ST14: variants seen among roughly 807,000 people sequenced by gnomAD.
The protein encoded by ST14 is suppressor of tumorigenicity 14 protein.
A neutral mutation model predicts 96.5 loss-of-function variants in ST14; 40 were observed. The ratio of observed to expected loss-of-function variants is 0.41; its 90% CI spans 0.32 to 0.54. The LOEUF (loss-of-function observed/expected upper bound fraction) is 0.54, where lower values mean the gene tolerates loss of function less well. Among genes scored for constraint, ST14 ranks in the 20% least tolerant of loss-of-function variants. The probability of loss-of-function intolerance (pLI) is 0.17; values close to 1 mark genes in which losing one functional copy is unlikely to be tolerated. For missense variants in ST14, 1,066 were observed against 1,188.9 expected (o/e 0.90, Z 1.52); for synonymous variants, 506 against 492.1 (o/e 1.03, Z -0.37).
chr11:130,189,378 C>T, intron 4 of ST14: 1 of 454,360 alleles, frequency 2.2e-6, no homozygotes. Context: ...CTGGGGAATG[C>T]TGTGTGGCAG....
chr11:130,167,718 A>AT (rs969992252), intron 1 of ST14, among the ~76,000 whole-genome samples: 355 of 145,642 alleles, frequency 2.4e-3, no homozygotes, highest in Middle Eastern at 3.5e-3. Context: ...AGGAGTGACT[A>AT]TTTTTTTTTT....
chr11:130,185,105 A>G (rs1953225672), intron 1 of ST14, among the ~76,000 whole-genome samples: 1 of 152,244 alleles, frequency 6.6e-6, no homozygotes, highest in South Asian at 2.1e-4. Context: ...AAAGTCTTCA[A>G]CATGGAAGAA....
intron 16 of ST14, 38 bp from the exon 17 acceptor site, chr11:130,208,372 G>C (rs143332822): frequency 0.014 from 23,384 of 1,613,556 alleles, 250 homozygotes; most frequent in South Asian, 0.023. Context: ...GCACAGACCC[G>C]AGTGACCGCG....
At chr11:130,191,035 C>T (rs1450732753) in intron 7 of ST14, among the ~76,000 whole-genome samples, 1 of 152,212 alleles carries the variant, frequency 6.6e-6, no homozygotes, top group Non-Finnish European at 1.5e-5. Flanking sequence ...GCCAACAGAT[C>T]AGGAGATGAC....
At position 130,190,569 on chromosome 11, in the gene ST14, G is replaced by T. The variant is rs746421198; in HGVS notation, c.750G>T (p.Gly250=). 3 of 1,612,516 alleles carry T rather than the reference G, an allele frequency of 1.9e-6. No individual in the cohort carries two copies. Among genetic ancestry groups the T allele is most frequent in the Non-Finnish European group, 2.5e-6 (3 of 1,179,874 alleles). Residue 250 remains glycine, a synonymous_variant, in exon 7 of 19, where the codon GGG becomes GGT. Transcript: ENST00000278742. ...AHARCQWALR[G]DADSVLSLTF... Reference sequence around the variant, plus strand: ...CCCGCTGCCAGTGGGCCCTGCGGGGGGACGCCGACTCAGTGCTGAGCCTCA... The same window carrying T: ...CCCGCTGCCAGTGGGCCCTGCGGGGTGACGCCGACTCAGTGCTGAGCCTCA...
In ST14 at chr11:130,209,767, G is replaced by T; in HGVS notation, c.2512G>T (p.Val838Leu). The change falls in exon 19 of 19, where the codon GTG (valine) becomes TTG (leucine). Residue 838 changes from valine (V) to leucine (L), a missense_variant. Transcript: ENST00000278742. Reference protein sequence around the residue: ...DGCAQRNKPGVYTRLPLFRDW... With the variant: ...DGCAQRNKPGLYTRLPLFRDW... ...CTGCGCTCAGAGGAACAAGCCAGGC[G>T]TGTACACAAGGCTCCCTCTGTTTCG... The T allele has an allele frequency of 6.2e-7, 1 of 1,614,044 alleles. No individual in the cohort carries two copies. Among genetic ancestry groups the T allele is most frequent in the Non-Finnish European group, 8.5e-7 (1 of 1,180,028 alleles).
Position 130,188,810 on chromosome 11 carries a change from G to C in ST14, c.370-59G>C. 6.2e-7 allele frequency: 1 copy of C among 1,604,082 alleles called. No individual in the cohort carries two copies. The highest frequency in any genetic ancestry group is 8.5e-7 in the Non-Finnish European group (1 of 1,174,478). On this transcript the variant is annotated intron_variant, in intron 3 of 18. Transcript: ENST00000278742. This position sits in a 1 kb window ranked among gnomAD's most constrained non-coding sequence, Gnocchi z 5.4. ...GGCCCTGGAGGGGAGGGAGCAGCCC[G>C]GGCTTGGGGCAGGGTCATCGCCGCA...
chr11:130,202,144 T>G (rs563819023), intron 16 of ST14, among the ~76,000 whole-genome samples: 1 of 152,362 alleles, frequency 6.6e-6, no homozygotes, highest in East Asian at 1.9e-4. Flanking sequence ...AGGAAATGGC[T>G]GGGTGCATAC....
At position 130,159,977 on chromosome 11, in the gene ST14, A is replaced by T. The variant is rs758642514; in HGVS notation, c.-3A>T. 1 of 1,375,748 alleles carries T rather than the reference A, an allele frequency of 7.3e-7. No individual in the cohort carries two copies. The highest frequency in any genetic ancestry group is 1.7e-5 in the South Asian group (1 of 59,310). 85.2% of individuals were successfully genotyped at this position (1,375,748 alleles called of 1,614,324 possible). On this transcript the variant is annotated 5_prime_UTR_variant, in exon 1 of 19. Transcript: ENST00000278742. ...GTGAGACCCGCGAGCGGCCTCGGGGACCATGGGGAGCGATCGGGCCCGCAA... is the reference window on the plus strand; with the variant it reads ...GTGAGACCCGCGAGCGGCCTCGGGGTCCATGGGGAGCGATCGGGCCCGCAA...
At position 130,187,899 on chromosome 11, in the gene ST14, C is replaced by T. The variant is rs1953252069; in HGVS notation, c.82-215C>T. On this transcript the variant is annotated intron_variant, in intron 1 of 18. Transcript: ENST00000278742. The surrounding 1 kb of genome is among the most constrained non-coding windows in gnomAD (Gnocchi z 4.5). ...GAGATGCGTGGTTGGGAAGGCCGAC[C>T]TCATGTTCCTCCCAGAGCATGCCCA... 6.6e-6 allele frequency among the ~76,000 whole-genome samples: 1 copy of T among 152,188 alleles called. No individual in the cohort carries two copies. The highest frequency in any genetic ancestry group is 1.5e-5 in the Non-Finnish European group (1 of 68,038).
At chr11:130,190,218 G>A in intron 6 of ST14, 70 bp downstream of exon 6, 1 of 1,597,808 alleles carries the variant, frequency 6.3e-7, no homozygotes, top group Non-Finnish European at 8.6e-7. Context: ...CCTTGAGCCA[G>A]TGGGGTCCCC....
intron 1 of ST14, among the ~76,000 whole-genome samples, chr11:130,161,503 T>C (rs1952998342): frequency 6.6e-6 from 1 of 152,174 alleles, no homozygotes; most frequent in African/African-American, 2.4e-5. Context: ...AAGCAGGGTC[T>C]TCCTGGTCGT....
In ST14 at chr11:130,184,882, A is replaced by G. The variant is rs111241316; in HGVS notation, c.82-3232A>G. 5.3e-3 allele frequency among the ~76,000 whole-genome samples: 809 copies of G among 152,340 alleles called. 10 individuals are homozygous for G. Among genetic ancestry groups the G allele is most frequent in the African/African-American group, 0.018 (747 of 41,570 alleles). On this transcript the variant is annotated intron_variant, in intron 1 of 18. Coordinates refer to ENST00000278742, the MANE Select transcript of ST14 (RefSeq NM_021978.4). ...TAAATCACTCCAGCCAGGAGATTAG[A>G]AAATTATTCTCTGGAGCAATGGAAC...
chr11:130,175,586 G>T (rs913194991), intron 1 of ST14, among the ~76,000 whole-genome samples: 3 of 151,474 alleles, frequency 2.0e-5, no homozygotes, highest in African/African-American at 7.3e-5. Context: ...TCTCCATGTT[G>T]GTCAGGCTGG....
chr11:130,190,018 G>A (rs1027723297), intron 5 of ST14, 95 bp from the exon 6 acceptor site: 34 of 1,610,468 alleles, frequency 2.1e-5, no homozygotes, highest in Non-Finnish European at 2.7e-5. Flanking sequence ...AGAAGACTAC[G>A]TGCTGGCCGG....
rs1953265044 is a variant in ST14, at chr11:130,188,816, G to A, written c.370-53G>A. The A allele has an allele frequency of 3.1e-6, 5 of 1,604,776 alleles. No homozygotes were observed. In the East Asian group the frequency reaches 1.1e-4, roughly 36 times the overall value. On this transcript the variant is annotated intron_variant, in intron 3 of 18. Transcript: ENST00000278742. This position sits in a 1 kb window ranked among gnomAD's most constrained non-coding sequence, Gnocchi z 5.4. ...GGAGGGGAGGGAGCAGCCCGGGCTT[G>A]GGGCAGGGTCATCGCCGCATGGGGC...
At chr11:130,166,088 G>T (rs2136201381) in intron 1 of ST14, among the ~76,000 whole-genome samples, 1 of 152,344 alleles carries the variant, frequency 6.6e-6, no homozygotes, top group East Asian at 1.9e-4. Context: ...TTTTGATGAG[G>T]TTCCTTAGCT....
intron 16 of ST14, among the ~76,000 whole-genome samples, chr11:130,201,026 C>A (rs911962383): frequency 2.0e-5 from 3 of 152,238 alleles, no homozygotes; most frequent in Non-Finnish European, 2.9e-5. Context: ...AGTATCAGCT[C>A]CCACCCTTAG....
intron 9 of ST14, among the ~76,000 whole-genome samples, 153 bp from the exon 10 acceptor site, chr11:130,196,185 AC>A (rs1206938927): frequency 9.2e-5 from 14 of 151,970 alleles, no homozygotes; most frequent in East Asian, 3.9e-4. Flanking sequence ...AAACAAACAA[AC>A]AAACAAACAC....
Sources: gnomAD v4.1 joint callset for allele counts (sites outside exome capture counted in the v4.1 genomes callset) on GRCh38, gnomAD v4.1.1 for gene constraint, Gnocchi (gnomAD v3.1) non-coding constraint, MANE v1.5 for transcripts, NCBI Gene and HGNC (gene_info 2026-07-23, HGNC 2026-07-21) for gene names.